The following ATP10D variants were observed in gnomAD, a reference collection of about 807,000 sequenced individuals.
ATP10D encodes the protein ATPase phospholipid transporting 10D (putative).
In ATP10D, 89 loss-of-function variants were observed where a neutral mutation model predicts 144.8. The observed-to-expected ratio is 0.61, with a 90% CI of 0.52 to 0.73. ATP10D has a LOEUF of 0.73. Among genes scored for constraint, ATP10D ranks in the 30% least tolerant of loss-of-function variants. ATP10D has a pLI of 0.00. For missense variants in ATP10D, 1,603 were observed against 1,714.8 expected, an observed-to-expected ratio of 0.93 and a Z score of 1.15; for synonymous variants, 571 against 615.1, an observed-to-expected ratio of 0.93 and a Z score of 1.06.
At position 47,587,164 on chromosome 4, in the gene ATP10D, A is replaced by G. The variant is rs745485512; in HGVS notation, c.3899A>G (p.Tyr1300Cys). The G allele has an allele frequency of 6.2e-7, 1 of 1,613,894 alleles. No individual in the cohort carries two copies. Among genetic ancestry groups the G allele is most frequent in the South Asian group, 1.1e-5 (1 of 91,040 alleles). Residue 1300 changes from tyrosine to cysteine, a missense_variant, in exon 22 of 23, where the codon TAC becomes TGC. Transcript: ENST00000273859. The stretch of plus-strand genomic sequence containing the variant: ...GAGCACATGCTGGATCCAGTATTCT[A>G]CTTAGTTTGTATCCTCACGACGTCC... ...MQEHMLDPVF[Y>C]LVCILTTSIA...
intron 7 of ATP10D, 96 bp downstream of exon 7, chr4:47,536,129 G>A: frequency 7.0e-7 from 1 of 1,429,536 alleles, no homozygotes; most frequent in Non-Finnish European, 9.5e-7. Flanking sequence ...CTTTGGTAAG[G>A]TGGATTTTGT....
chr4:47,555,906 A>G (rs1440245093), intron 11 of ATP10D, among the ~76,000 whole-genome samples: 1 of 152,112 alleles, frequency 6.6e-6, no homozygotes, highest in Middle Eastern at 3.4e-3. Flanking sequence ...GGCACCCACA[A>G]CCACGCCTGG....
chr4:47,527,192 A>G (rs537132793), intron 5 of ATP10D, among the ~76,000 whole-genome samples: 1 of 152,238 alleles, frequency 6.6e-6, no homozygotes, highest in South Asian at 2.1e-4. Context: ...GTGCAAAGAC[A>G]CATAGATGGA....
At chr4:47,556,502 T>C in intron 11 of ATP10D, among the ~76,000 whole-genome samples, 1 of 152,228 alleles carries the variant, frequency 6.6e-6, no homozygotes, top group East Asian at 1.9e-4. Flanking sequence ...TTGGTTATTC[T>C]TAAAGAATAT....
At chr4:47,581,447 C>G (rs1720509903) in intron 20 of ATP10D, among the ~76,000 whole-genome samples, 1 of 152,044 alleles carries the variant, frequency 6.6e-6, no homozygotes, top group Admixed American at 6.6e-5. Flanking sequence ...TTTGAATTAG[C>G]CTTGCTGGAG....
At chr4:47,500,770 T>TGG (rs992512282) in intron 1 of ATP10D, among the ~76,000 whole-genome samples, 1 of 152,164 alleles carries the variant, frequency 6.6e-6, no homozygotes, top group African/African-American at 2.4e-5. Context: ...AAGTTCTCTT[T>TGG]GGATAGCTTT....
chr4:47,497,346 T>G (rs1715442034), intron 1 of ATP10D, among the ~76,000 whole-genome samples: 1 of 152,080 alleles, frequency 6.6e-6, no homozygotes, highest in Non-Finnish European at 1.5e-5. Flanking sequence ...TCCCAGCTAC[T>G]CAGGAGGCTG....
chr4:47,524,303 G>A (rs1016032098), intron 4 of ATP10D, among the ~76,000 whole-genome samples: 2 of 152,080 alleles, frequency 1.3e-5, no homozygotes, highest in East Asian at 3.8e-4. Context: ...AAGTGGTTTA[G>A]CCTACTAATA....
At chr4:47,581,465 G>T (rs549351974) in intron 20 of ATP10D, among the ~76,000 whole-genome samples, 1 of 152,170 alleles carries the variant, frequency 6.6e-6, no homozygotes, top group East Asian at 1.9e-4. Context: ...GAGTTTTCTG[G>T]CTATACTGCA....
chr4:47,558,466 G>A (rs1212527680), intron 12 of ATP10D, among the ~76,000 whole-genome samples, 193 bp downstream of exon 12: 1 of 152,186 alleles, frequency 6.6e-6, no homozygotes, highest in East Asian at 1.9e-4. Flanking sequence ...GAGTTCAAAT[G>A]TGAACTCCAT....
intron 1 of ATP10D, among the ~76,000 whole-genome samples, chr4:47,507,742 A>G (rs1264007233): frequency 6.6e-6 from 1 of 152,238 alleles, no homozygotes; most frequent in Non-Finnish European, 1.5e-5. Context: ...GCCATCTGTA[A>G]CACACTATGG....
rs776974710 is a variant in ATP10D, at chr4:47,523,131, A to G, written c.605A>G (p.Asp202Gly). The G allele has an allele frequency of 3.1e-6, 5 of 1,613,972 alleles. No homozygotes were observed. The highest frequency in any genetic ancestry group is 2.2e-5 in the East Asian group (1 of 44,870). The part of the protein sequence containing the change: ...DMVLLFSTDP[D>G]GICHIETSGL... ...GTACTACTCTTTTCCACTGATCCAG[A>G]TGGAATCTGTCACATTGAGACTTCT... The change falls in exon 4 of 23, where the codon GAT (aspartate) becomes GGT (glycine). Residue 202 changes from aspartate to glycine, a missense_variant. By Grantham distance (94) the Asp-to-Gly change is moderately conservative. Coordinates refer to ENST00000273859, the MANE Select transcript of ATP10D (RefSeq NM_020453.4).
chr4:47,486,314 A>T (rs770505523), intron 1 of ATP10D, among the ~76,000 whole-genome samples: 1 of 152,226 alleles, frequency 6.6e-6, no homozygotes, highest in Non-Finnish European at 1.5e-5. Context: ...ATGCTAGCTC[A>T]GGTTTTTAAA....
chr4:47,575,325 C>G (rs1720171725), intron 18 of ATP10D, among the ~76,000 whole-genome samples: 1 of 152,096 alleles, frequency 6.6e-6, no homozygotes, highest in African/African-American at 2.4e-5. Flanking sequence ...GAGCACAGAG[C>G]TTTTTATAGT....
intron 22 of ATP10D, 108 bp from the exon 23 acceptor site, chr4:47,590,934 A>C: frequency 3.3e-5 from 23 of 693,888 alleles, no homozygotes; most frequent in Non-Finnish European, 4.8e-5. Flanking sequence ...TCAGGAGCCA[A>C]GTGGCCACCA....
At chr4:47,490,151 C>A (rs1259697270) in intron 1 of ATP10D, among the ~76,000 whole-genome samples, 3 of 152,048 alleles carry the variant, frequency 2.0e-5, no homozygotes, top group African/African-American at 7.3e-5. Context: ...ACTTTCATTT[C>A]CCCTTAATTA....
intron 5 of ATP10D, among the ~76,000 whole-genome samples, chr4:47,533,200 G>GAA (rs139979863): frequency 2.1e-4 from 32 of 149,560 alleles, no homozygotes; most frequent in Non-Finnish European, 4.0e-4. Flanking sequence ...CTAGGGATAA[G>GAA]AAAAAAAAAA....
At chr4:47,588,492 T>G (rs1720886932) in intron 22 of ATP10D, among the ~76,000 whole-genome samples, 1 of 152,348 alleles carries the variant, frequency 6.6e-6, no homozygotes. Flanking sequence ...TGGCTGCTTA[T>G]GCAATACAAC....
intron 14 of ATP10D, 146 bp downstream of exon 14, chr4:47,561,221 C>A: frequency 1.9e-6 from 2 of 1,073,316 alleles, no homozygotes; most frequent in Non-Finnish European, 2.7e-6. Flanking sequence ...ATCCAACTTC[C>A]AATCCATTCT....
Sources: allele counts gnomAD v4.1 joint callset (sites outside exome capture counted in the v4.1 genomes callset), GRCh38; gene constraint gnomAD v4.1.1; transcripts MANE v1.5; gene names NCBI Gene and HGNC (gene_info 2026-07-23, HGNC 2026-07-21).